TULP4: variants seen among roughly 807,000 people sequenced by gnomAD.
The protein encoded by TULP4 is TUB like protein 4.
In TULP4, 16 loss-of-function variants were observed where a neutral mutation model predicts 129.0. The observed-to-expected ratio is 0.12, with a 90% CI of 0.08 to 0.19. The LOEUF (loss-of-function observed/expected upper bound fraction) is 0.19, where lower values mean the gene tolerates loss of function less well. Among genes scored for constraint, TULP4 ranks in the 10% least tolerant of loss-of-function variants. The pLI is 1.00. For synonymous variants in TULP4, 998 were observed against 854.0 expected, an observed-to-expected ratio of 1.17 and a Z score of -2.94; for missense variants, 1,842 against 2,059.1, an observed-to-expected ratio of 0.89 and a Z score of 2.04.
chr6:158,381,640 G>A (rs1777328426), intron 1 of TULP4, among the ~76,000 whole-genome samples: 1 of 152,206 alleles, frequency 6.6e-6, no homozygotes, highest in Non-Finnish European at 1.5e-5. Context: ...TGCGGATTGT[G>A]TTTTAGAGTG....
At chr6:158,296,031 A>G (rs1336563964) in intron 1 of TULP4, among the ~76,000 whole-genome samples, 2 of 152,188 alleles carry the variant, frequency 1.3e-5, no homozygotes, top group Admixed American at 1.3e-4. Context: ...CGTACCACCA[A>G]TGTATTCTCT....
chr6:158,325,919 G>A (rs1779737274), intron 1 of TULP4, among the ~76,000 whole-genome samples: 1 of 143,728 alleles, frequency 7.0e-6, no homozygotes, highest in Non-Finnish European at 1.5e-5. Flanking sequence ...TGTTGTCCTG[G>A]CCACTTAACA....
At chr6:158,265,418 A>G (rs766097124) in intron 1 of TULP4, among the ~76,000 whole-genome samples, 11 of 151,988 alleles carry the variant, frequency 7.2e-5, no homozygotes, top group Non-Finnish European at 1.0e-4. Flanking sequence ...GGGGTGGCGC[A>G]CCCCTGTAAT....
At chr6:158,415,051 G>A (rs1032082505) in intron 2 of TULP4, among the ~76,000 whole-genome samples, 1 of 152,194 alleles carries the variant, frequency 6.6e-6, no homozygotes. Context: ...GCAGAGATGC[G>A]TGTATTCATA....
intron 3 of TULP4, among the ~76,000 whole-genome samples, chr6:158,439,828 C>T (rs1034465535): frequency 4.7e-5 from 7 of 148,514 alleles, no homozygotes; most frequent in African/African-American, 1.7e-4. Context: ...TCTCCTGCCT[C>T]AGCCTCCCGA....
intron 1 of TULP4, among the ~76,000 whole-genome samples, chr6:158,300,882 G>C (rs1030627083): frequency 5.9e-5 from 9 of 152,196 alleles, no homozygotes; most frequent in Non-Finnish European, 1.3e-4. Context: ...CCTTCCAGGT[G>C]AGAGCAAATT....
chr6:158,309,095 G>A (rs1157205196), upstream of TULP4, among the ~76,000 whole-genome samples: 3 of 86,168 alleles, frequency 3.5e-5, no homozygotes, highest in East Asian at 3.8e-4. Flanking sequence ...CTTCCCAGAC[G>A]GTGTGGTTGC....
At position 158,461,589 on chromosome 6, in the gene TULP4, G is replaced by C; in HGVS notation, c.886G>C (p.Gly296Arg). The change falls in exon 6 of 14, where the codon GGG becomes CGG. Residue 296 changes from glycine to arginine, a missense_variant. By Grantham distance (125) the Gly-to-Arg change is moderately radical. Coordinates refer to ENST00000367097, the MANE Select transcript of TULP4 (RefSeq NM_020245.5). ...GGTGGTAGCCCAGTGGTGCACACAG[G>C]GGGACTTGCTGGCAGTCGCTGGGAT... ...KEVVAQWCTQ[G>R]DLLAVAGMER... is the part of the protein sequence containing the mutation. 6.2e-7 allele frequency: 1 copy of C among 1,613,810 alleles called. No individual in the cohort carries two copies. Among genetic ancestry groups the C allele is most frequent in the Non-Finnish European group, 8.5e-7 (1 of 1,179,890 alleles).
At chr6:158,417,564 T>C (rs1778238088) in intron 2 of TULP4, among the ~76,000 whole-genome samples, 1 of 152,172 alleles carries the variant, frequency 6.6e-6, no homozygotes, top group African/African-American at 2.4e-5. Context: ...TGGTTGCCTT[T>C]AATCGTGTTG....
At chr6:158,301,982 C>T (rs1275569660) in intron 1 of TULP4, among the ~76,000 whole-genome samples, 1 of 152,212 alleles carries the variant, frequency 6.6e-6, no homozygotes, top group African/African-American at 2.4e-5. Flanking sequence ...TTATTGAACA[C>T]CATTCCTAAA....
At chr6:158,279,167 C>A (rs1778702871), upstream of TULP4, among the ~76,000 whole-genome samples, 1 of 152,018 alleles carries the variant, frequency 6.6e-6, no homozygotes, top group Non-Finnish European at 1.5e-5. Context: ...TGGTCTCGAT[C>A]TCCTGACCTC....
intron 1 of TULP4, among the ~76,000 whole-genome samples, chr6:158,339,475 A>G (rs1303276013): frequency 6.6e-6 from 1 of 152,178 alleles, no homozygotes; most frequent in Non-Finnish European, 1.5e-5. Flanking sequence ...TAATCCTAGC[A>G]AGCCTGGGGG....
intron 1 of TULP4, among the ~76,000 whole-genome samples, chr6:158,275,743 A>G (rs1053706095): frequency 2.6e-5 from 4 of 152,236 alleles, no homozygotes; most frequent in African/African-American, 9.6e-5. Flanking sequence ...ATTTGGGGTA[A>G]TATTAGTAAA....
At chr6:158,306,190 A>G (rs1223274217) in intron 1 of TULP4, among the ~76,000 whole-genome samples, 1 of 152,244 alleles carries the variant, frequency 6.6e-6, no homozygotes, top group African/African-American at 2.4e-5. Context: ...CCTTAACAGT[A>G]TATGTGAAAT....
chr6:158,376,719 G>C (rs1777200028), intron 1 of TULP4, among the ~76,000 whole-genome samples: 1 of 152,202 alleles, frequency 6.6e-6, no homozygotes, highest in African/African-American at 2.4e-5. Flanking sequence ...CCTCTGTTGT[G>C]GGATATCAAT....
intron 6 of TULP4, among the ~76,000 whole-genome samples, chr6:158,468,286 CCTTT>C (rs1319261005): frequency 6.6e-6 from 1 of 152,192 alleles, no homozygotes; most frequent in Non-Finnish European, 1.5e-5. Context: ...AACTACGCTG[CCTTT>C]CTTTATTACT....
At chr6:158,291,513 G>A (rs1400372055) in intron 1 of TULP4, among the ~76,000 whole-genome samples, 1 of 152,068 alleles carries the variant, frequency 6.6e-6, no homozygotes, top group Non-Finnish European at 1.5e-5. Flanking sequence ...GTGCCCAGGT[G>A]TGGATTTCTT....
rs566542126 is a variant in TULP4, at chr6:158,450,827, C to T, written c.725-1307C>T. 1.9e-4 allele frequency among the ~76,000 whole-genome samples: 29 copies of T among 151,624 alleles called. 1 individual carries two copies. Among genetic ancestry groups the T allele is most frequent in the Non-Finnish European group, 3.4e-4 (23 of 67,952 alleles). On this transcript the variant is annotated intron_variant, in intron 4 of 13. Coordinates refer to ENST00000367097, the MANE Select transcript of TULP4 (RefSeq NM_020245.5). Reference sequence around the variant, plus strand: ...ATCCTAGCACTTTGGGAGGCCGAGGCGGGTGGATCATGAGGTCAGGAGATC... The same window carrying T: ...ATCCTAGCACTTTGGGAGGCCGAGGTGGGTGGATCATGAGGTCAGGAGATC...
intron 6 of TULP4, among the ~76,000 whole-genome samples, chr6:158,469,039 C>T (rs1262367478): frequency 6.6e-6 from 1 of 151,952 alleles, no homozygotes; most frequent in Non-Finnish European, 1.5e-5. Context: ...AGATGTTAAA[C>T]TTCATTTGGC....
Sources: allele counts gnomAD v4.1 joint callset (sites outside exome capture counted in the v4.1 genomes callset), GRCh38; gene constraint gnomAD v4.1.1; transcripts MANE v1.5; gene names NCBI Gene and HGNC (gene_info 2026-07-23, HGNC 2026-07-21).